The following GAS2L3 variants were observed in gnomAD, a reference collection of about 807,000 sequenced individuals.
GAS2L3 encodes growth arrest specific 2 like 3, also known as GAS2-like protein 3.
Under a neutral mutation model 37.0 loss-of-function variants are expected in GAS2L3, and 28 were observed. That is an observed-to-expected ratio of 0.76 (90% CI 0.56 to 1.04). The LOEUF (loss-of-function observed/expected upper bound fraction) is 1.04, where lower values mean the gene tolerates loss of function less well. Ranked by LOEUF, GAS2L3 falls within the 50% of genes least tolerant of loss-of-function variation. The probability of loss-of-function intolerance (pLI) is 0.00; values close to 1 mark genes in which losing one functional copy is unlikely to be tolerated. For missense variants in GAS2L3, 793 were observed against 817.6 expected (o/e 0.97, Z 0.37); for synonymous variants, 290 against 296.6 (o/e 0.98, Z 0.23).
chr12:100,574,249 G>T (rs546558078), intron 1 of GAS2L3, among the ~76,000 whole-genome samples: 65 of 152,320 alleles, frequency 4.3e-4, no homozygotes, highest in African/African-American at 1.5e-3. Flanking sequence ...TCCTCGGAAA[G>T]AATTGATGAA....
intron 8 of GAS2L3, among the ~76,000 whole-genome samples, chr12:100,619,591 A>C (rs1956229154): frequency 6.6e-6 from 1 of 151,998 alleles, no homozygotes; most frequent in Non-Finnish European, 1.5e-5. Context: ...TAACTCTTTT[A>C]TCTGGCCAAA....
intron 5 of GAS2L3, among the ~76,000 whole-genome samples, chr12:100,605,895 A>T (rs1003441214): frequency 5.3e-5 from 8 of 150,734 alleles, no homozygotes; most frequent in Admixed American, 5.3e-4. Context: ...TTAATGTTTT[A>T]GGACTTGTTT....
intron 7 of GAS2L3, among the ~76,000 whole-genome samples, chr12:100,618,223 A>G (rs1956211148): frequency 6.6e-6 from 1 of 152,178 alleles, no homozygotes; most frequent in Non-Finnish European, 1.5e-5. Flanking sequence ...CCCAGGTAGA[A>G]TATTGGGAGC....
At chr12:100,573,888 C>CT (rs1320196344) in intron 1 of GAS2L3, 103 bp downstream of exon 1, 1 of 152,326 alleles carries the variant, frequency 6.6e-6, no homozygotes, top group Admixed American at 6.5e-5. Flanking sequence ...CCCCCGCTCT[C>CT]TGAGGCCCCG....
chr12:100,611,289 C>T (rs552330342), intron 5 of GAS2L3: 28 of 152,286 alleles, frequency 1.8e-4, no homozygotes, highest in African/African-American at 5.8e-4. Flanking sequence ...CATCTCTTAA[C>T]TTTTAACATA....
intron 2 of GAS2L3, chr12:100,593,713 C>G (rs932179864): frequency 6.6e-6 from 1 of 151,952 alleles, no homozygotes; most frequent in Admixed American, 6.6e-5. Context: ...ATCTTTGTTG[C>G]GGACAAAGGA....
At chr12:100,590,038 C>T (rs1342202114) in intron 1 of GAS2L3, among the ~76,000 whole-genome samples, 2 of 152,144 alleles carry the variant, frequency 1.3e-5, no homozygotes. Flanking sequence ...AAAGCAAATG[C>T]AGTAAAACAA....
intron 5 of GAS2L3, among the ~76,000 whole-genome samples, chr12:100,608,408 G>C (rs1419197764): frequency 6.6e-6 from 1 of 152,130 alleles, no homozygotes; most frequent in Non-Finnish European, 1.5e-5. Flanking sequence ...TTCACTCAAG[G>C]CTCTAGGGCT....
At chr12:100,584,202 G>T (rs969687827) in intron 1 of GAS2L3, among the ~76,000 whole-genome samples, 2 of 152,134 alleles carry the variant, frequency 1.3e-5, no homozygotes, top group Non-Finnish European at 2.9e-5. Context: ...GCACCATACA[G>T]GCAAGTAATA....
intron 1 of GAS2L3, chr12:100,579,748 T>A (rs1219764726): frequency 2.7e-6 from 2 of 731,300 alleles, no homozygotes; most frequent in Non-Finnish European, 5.0e-6. Context: ...GTTGGTGGAA[T>A]TCCTGAGGTG....
At chr12:100,608,195 G>T (rs1956079935) in intron 5 of GAS2L3, among the ~76,000 whole-genome samples, 1 of 152,292 alleles carries the variant, frequency 6.6e-6, no homozygotes, top group South Asian at 2.1e-4. Flanking sequence ...ATTCTTGTGT[G>T]TGCGTGTGGG....
intron 1 of GAS2L3, among the ~76,000 whole-genome samples, chr12:100,577,502 C>G (rs191833538): frequency 2.8e-4 from 42 of 152,246 alleles, no homozygotes; most frequent in Non-Finnish European, 5.1e-4. Context: ...AAAAGATTCT[C>G]AACAAAGTCT....
At chr12:100,605,787 G>A (rs1339004669) in intron 5 of GAS2L3, among the ~76,000 whole-genome samples, 1 of 150,834 alleles carries the variant, frequency 6.6e-6, no homozygotes, top group African/African-American at 2.4e-5. Context: ...TAATTTCCAT[G>A]TGTTTATATT....
rs1956105154 is a variant in GAS2L3 at position 100,609,862 on chromosome 12, CTG to C, written c.304-2135_304-2134del. ...AGTTCAATGTAAAGCCTCAAAATCA[CTG>C]TGCTCTCCCCCTCCCAAATACACAG... On this transcript the variant is annotated intron_variant, in intron 5 of 9. Transcript: ENST00000547754. Among the ~76,000 whole-genome samples the C allele has an allele frequency of 7.2e-5, 11 of 152,320 alleles. No homozygotes were observed. The South Asian group carries it at 2.1e-3, about 29-fold the overall frequency.
At chr12:100,600,970 A>G (rs1955981356) in intron 4 of GAS2L3, among the ~76,000 whole-genome samples, 1 of 152,132 alleles carries the variant, frequency 6.6e-6, no homozygotes, top group Non-Finnish European at 1.5e-5. Flanking sequence ...GCATTGAAGG[A>G]TACAGCCATA....
rs1956325991 is a variant in GAS2L3, at chr12:100,625,743, G to A, written c.*853G>A. On this transcript the variant is annotated 3_prime_UTR_variant, in exon 10 of 10. Transcript: ENST00000547754. ...TGTAATTTCCTGTGAGTGCAGACCT[G>A]ACATTTTACATTAAAATAATGTGAA... is the stretch of plus-strand genomic sequence containing the variant. 6.6e-6 allele frequency: 1 copy of A among 152,068 alleles called. No individual in the cohort carries two copies. Among genetic ancestry groups the A allele is most frequent in the Non-Finnish European group, 1.5e-5 (1 of 68,008 alleles). 9.4% of individuals were successfully genotyped at this position (152,068 alleles called of 1,614,324 possible). A position where few individuals can be genotyped will look rare whatever the true frequency, so the allele number is the denominator to read the frequency against.
chr12:100,584,882 GGT>G (rs1491307161), intron 1 of GAS2L3, among the ~76,000 whole-genome samples: 3 of 119,952 alleles, frequency 2.5e-5, no homozygotes, highest in Admixed American at 9.3e-5. Flanking sequence ...CTACTTGAAT[GGT>G]TTTTTTTTTT....
chr12:100,621,857 G>A (rs910053774), intron 8 of GAS2L3, among the ~76,000 whole-genome samples: 1 of 145,770 alleles, frequency 6.9e-6, no homozygotes, highest in African/African-American at 2.5e-5. Flanking sequence ...AAGATGAAGG[G>A]TGGTGGGGAG....
At chr12:100,592,142 G>T (rs571276659) in intron 2 of GAS2L3, among the ~76,000 whole-genome samples, 25 of 152,148 alleles carry the variant, frequency 1.6e-4, no homozygotes, top group Non-Finnish European at 1.2e-4. Context: ...TGGTACAGTT[G>T]AAAGGCCCTT....
Sources: gnomAD v4.1 joint callset for allele counts (sites outside exome capture counted in the v4.1 genomes callset) on GRCh38, gnomAD v4.1.1 for gene constraint, MANE v1.5 for transcripts, NCBI Gene and HGNC (gene_info 2026-07-23, HGNC 2026-07-21) for gene names.